The following PRDM7 variants were observed in gnomAD, a reference collection of about 807,000 sequenced individuals.
PRDM7 encodes the protein histone-lysine N-methyltransferase PRDM7.
PRDM7 carries 52 observed loss-of-function variants against 64.3 expected under a neutral mutation model. The ratio of observed to expected loss-of-function variants is 0.81; its 90% CI spans 0.65 to 1.02. The LOEUF is 1.02. Among genes scored for constraint, PRDM7 ranks in the 50% least tolerant of loss-of-function variants. The pLI, the probability that PRDM7 is intolerant of heterozygous loss-of-function variation, is 0.00. For synonymous variants in PRDM7, 192 were observed against 210.1 expected (o/e 0.91, Z 0.74); for missense variants, 574 against 597.1 (o/e 0.96, Z 0.40).
At chr16:90,058,674 C>T (rs2037720259) in intron 10 of PRDM7, 140 bp from the exon 11 acceptor site, 8 of 992,672 alleles carry the variant, frequency 8.1e-6, no homozygotes, top group Non-Finnish European at 1.3e-5. Context: ...CTGGATGGAC[C>T]TTTACAGTCC....
chr16:90,074,273 AATCATCATCGTCATC>A (rs1567880914), intron 4 of PRDM7, among the ~76,000 whole-genome samples: 1 of 117,312 alleles, frequency 8.5e-6, no homozygotes, highest in African/African-American at 3.1e-5. Context: ...TAATAGTAAC[AATCATCATCGTCATC>A]ATCATCATCA....
intron 6 of PRDM7, among the ~76,000 whole-genome samples, chr16:90,063,375 T>G (rs547502867): frequency 6.6e-6 from 1 of 151,234 alleles, no homozygotes; most frequent in South Asian, 2.1e-4. Context: ...GAGGCAGAGG[T>G]TGCAGTGAAC....
At chr16:90,063,117 T>A (rs2037810012) in intron 6 of PRDM7, among the ~76,000 whole-genome samples, 1 of 152,100 alleles carries the variant, frequency 6.6e-6, no homozygotes, top group Non-Finnish European at 1.5e-5. Flanking sequence ...CCCAAGTGAG[T>A]GACTTCAAAG....
At chr16:90,071,921 G>A (rs894205810) in intron 4 of PRDM7, among the ~76,000 whole-genome samples, 6 of 152,152 alleles carry the variant, frequency 3.9e-5, no homozygotes, top group African/African-American at 1.4e-4. Flanking sequence ...GGCTGGGCGC[G>A]GTGGCTCATG....
intron 4 of PRDM7, among the ~76,000 whole-genome samples, chr16:90,072,953 A>G (rs984934833): frequency 3.3e-5 from 5 of 152,334 alleles, no homozygotes; most frequent in Non-Finnish European, 5.9e-5. Context: ...CGTAGACCCA[A>G]TCCAAGTTGC....
chr16:90,066,922 T>A lies in PRDM7; in HGVS notation c.302-12A>T. ...CCAAGGAGGTTTGACTAAGAGGTGATGAGAAATCAGTGGTTTGGTTGGTAA... is the reference window on the plus strand; with the variant it reads ...CCAAGGAGGTTTGACTAAGAGGTGAAGAGAAATCAGTGGTTTGGTTGGTAA... On this transcript the variant is annotated splice_polypyrimidine_tract_variant and intron_variant, in intron 4 of 10. Transcript: ENST00000449207. 1.3e-6 allele frequency: 2 copies of A among 1,586,974 alleles called. No individual in the cohort carries two copies. Among genetic ancestry groups the A allele is most frequent in the Non-Finnish European group, 1.7e-6 (2 of 1,158,296 alleles).
Position 90,058,423 on chromosome 16 carries a change from G to C in PRDM7, c.1345C>G (p.His449Asp), listed in dbSNP as rs747784990. 2.5e-6 allele frequency: 4 copies of C among 1,614,050 alleles called. No homozygotes were observed. In the African/African-American group the frequency reaches 5.3e-5, roughly 22 times the overall value. Residue 449 changes from histidine to aspartate, a missense_variant, in exon 11 of 11, where the codon CAT (histidine) becomes GAT (aspartate). Coordinates refer to ENST00000449207, the MANE Select transcript of PRDM7 (RefSeq NM_001098173.2). Reference sequence around the variant, plus strand: ...TGGTTGGAGAAGTTTTCTTGCAGATGGTCCTGGGAAGTTCTGAGAGGAGTG... The same window carrying C: ...TGGTTGGAGAAGTTTTCTTGCAGATCGTCCTGGGAAGTTCTGAGAGGAGTG... ...AITPLRTSQDHLQENFSNQRI... is the reference protein window; with the variant it reads ...AITPLRTSQDDLQENFSNQRI...
chr16:90,061,139 C>T (rs2037769584), intron 9 of PRDM7, among the ~76,000 whole-genome samples: 1 of 152,214 alleles, frequency 6.6e-6, no homozygotes, highest in Non-Finnish European at 1.5e-5. Context: ...ACTTCACTTC[C>T]TAACCTGGAA....
rs2037750197 is a variant in PRDM7, at chr16:90,060,306, T to G, written c.1233+35A>C. On this transcript the variant is annotated intron_variant, in intron 10 of 10. Coordinates refer to ENST00000449207, the MANE Select transcript of PRDM7 (RefSeq NM_001098173.2). ...AAATTCTCTAGGATAATTCTTTCTT[T>G]CCTGTCCTTTTAAAAGAGTAATAGT... 3.7e-6 allele frequency: 6 copies of G among 1,613,754 alleles called. No homozygotes were observed. The East Asian group carries it at 1.3e-4, about 36-fold the overall frequency.
At position 90,072,031 on chromosome 16, in the gene PRDM7, C is replaced by T. The variant is rs1396038281; in HGVS notation, c.301+2885G>A. On this transcript the variant is annotated intron_variant, in intron 4 of 10. Coordinates refer to ENST00000449207, the MANE Select transcript of PRDM7 (RefSeq NM_001098173.2). ...GGATCATGAGGTCAGGAGATCGAGA[C>T]CATCCTGGCTAACATGGTGAAACCC... Among the ~76,000 whole-genome samples the T allele has an allele frequency of 5.3e-5, 8 of 152,176 alleles. No homozygotes were observed. In the South Asian group the frequency reaches 8.3e-4, roughly 16 times the overall value.
chr16:90,063,974 C>T (rs2037828703), intron 5 of PRDM7, among the ~76,000 whole-genome samples: 1 of 152,172 alleles, frequency 6.6e-6, no homozygotes, highest in Non-Finnish European at 1.5e-5. Context: ...CTTCAACTTC[C>T]TCTCAAAACG....
At chr16:90,067,919 A>G (rs1463124734) in intron 4 of PRDM7, among the ~76,000 whole-genome samples, 1 of 151,240 alleles carries the variant, frequency 6.6e-6, no homozygotes, top group Non-Finnish European at 1.5e-5. Flanking sequence ...ATCATAGTCG[A>G]TGATGAAAAA....
rs1351434777 is a variant in PRDM7, at chr16:90,060,436, C to T, written c.1138G>A (p.Ala380Thr). The change falls in exon 10 of 11, where the codon GCT (alanine) becomes ACT (threonine). Residue 380 changes from alanine (A) to threonine (T), a missense_variant. Ala to Thr is a moderately conservative substitution (Grantham distance 58). Coordinates refer to ENST00000449207, the MANE Select transcript of PRDM7 (RefSeq NM_001098173.2). ...SIEPAESLGQ[A>T]VNCWSGMGMS... Reference sequence around the variant, plus strand: ...CCCATACCAGACCAGCAGTTCACAGCCTGGCCTAATGACTCGGCAGGTTCT... The same window carrying T: ...CCCATACCAGACCAGCAGTTCACAGTCTGGCCTAATGACTCGGCAGGTTCT... The T allele has an allele frequency of 9.3e-6, 15 of 1,613,726 alleles. No homozygotes were observed. The highest frequency in any genetic ancestry group is 1.1e-5 in the Non-Finnish European group (13 of 1,179,858).
chr16:90,056,677 G>C lies in PRDM7; in HGVS notation c.*1612C>G, dbSNP rs933341908. ...CCCTTTTAAGGGCTCACAACTCTAA[G>C]GGGGTCCACGTGAGAGGGTCGTGAT... On this transcript the variant is annotated 3_prime_UTR_variant, in exon 11 of 11. Transcript: ENST00000449207. The C allele has an allele frequency of 2.6e-5, 4 of 152,224 alleles. No homozygotes were observed. The highest frequency in any genetic ancestry group is 2.0e-4 in the Admixed American group (3 of 15,284). The allele number at this position is 152,224 out of a possible 1,614,324, so 9.4% of individuals were successfully genotyped here.
Position 90,075,937 on chromosome 16 carries a change from G to A in PRDM7, c.-27C>T, listed in dbSNP as rs371387465. 6.2e-6 allele frequency: 10 copies of A among 1,609,218 alleles called. No homozygotes were observed. Among genetic ancestry groups the A allele is most frequent in the Admixed American group, 1.7e-5 (1 of 59,472 alleles). On this transcript the variant is annotated 5_prime_UTR_variant, in exon 2 of 11. Transcript: ENST00000449207. This position sits in a 1 kb window ranked among gnomAD's most constrained non-coding sequence, Gnocchi z 4.3. ...GTGCTGGGACTGTCTAGAAGGCCCT[G>A]CTCCAATTCTGAGTGTGGGAAGGGC...
At position 90,076,772 on chromosome 16, in the gene PRDM7, G is replaced by C. The variant is rs140212775; in HGVS notation, c.-86+454C>G. Reference sequence around the variant, plus strand: ...AAGGATTTGGGATATTTGAGGCTGAGGAAATTCTGGGTCTCGGGTAAAGGA... The same window carrying C: ...AAGGATTTGGGATATTTGAGGCTGACGAAATTCTGGGTCTCGGGTAAAGGA... On this transcript the variant is annotated intron_variant, in intron 1 of 10. Transcript: ENST00000449207. Among the ~76,000 whole-genome samples, 281 of 152,152 alleles carry C rather than the reference G, an allele frequency of 1.8e-3. 1 individual carries two copies. Among genetic ancestry groups the C allele is most frequent in the African/African-American group, 6.2e-3 (257 of 41,496 alleles).
intron 5 of PRDM7, among the ~76,000 whole-genome samples, chr16:90,065,516 C>T (rs1567877457): frequency 6.6e-6 from 1 of 151,078 alleles, no homozygotes; most frequent in African/African-American, 2.5e-5. Context: ...AGTAGGATGG[C>T]TTGAGCCCAG....
chr16:90,076,869 G>C (rs947166646), intron 1 of PRDM7, among the ~76,000 whole-genome samples: 1 of 152,052 alleles, frequency 6.6e-6, no homozygotes, highest in Non-Finnish European at 1.5e-5. Context: ...AGCTGACGGG[G>C]TTGAGTTTTC....
chr16:90,063,859 G>GT, intron 5 of PRDM7, 91 bp from the exon 6 acceptor site: 1 of 1,475,096 alleles, frequency 6.8e-7, no homozygotes, highest in Non-Finnish European at 9.3e-7. Flanking sequence ...TGTAGTTAAT[G>GT]TTCAAACCTT....
Sources: gnomAD v4.1 joint callset for allele counts (sites outside exome capture counted in the v4.1 genomes callset) on GRCh38, gnomAD v4.1.1 for gene constraint, Gnocchi (gnomAD v3.1) non-coding constraint, MANE v1.5 for transcripts, NCBI Gene and HGNC (gene_info 2026-07-23, HGNC 2026-07-21) for gene names.